Variants in MAN1A2 observed in about 807,000 individuals in gnomAD.
MAN1A2 encodes mannosyl-oligosaccharide 1,2-alpha-mannosidase IB.
MAN1A2 carries 26 observed loss-of-function variants against 75.7 expected under a neutral mutation model. The ratio of observed to expected loss-of-function variants is 0.34; its 90% CI spans 0.25 to 0.48. The LOEUF is 0.48. MAN1A2 is among the 20% of genes least tolerant of loss of function. The pLI is 0.99. For synonymous variants in MAN1A2, 247 were observed against 264.6 expected, an observed-to-expected ratio of 0.93 and a Z score of 0.65; for missense variants, 562 against 775.5, an observed-to-expected ratio of 0.72 and a Z score of 3.27.
intron 6 of MAN1A2, among the ~76,000 whole-genome samples, chr1:117,444,721 C>A (rs1649152379): frequency 6.6e-6 from 1 of 151,862 alleles, no homozygotes; most frequent in African/African-American, 2.4e-5. Context: ...TTGTCTTTTT[C>A]TAATTAATTT....
At chr1:117,400,511 C>G (rs1047900915) in intron 1 of MAN1A2, among the ~76,000 whole-genome samples, 1 of 151,174 alleles carries the variant, frequency 6.6e-6, no homozygotes, top group Non-Finnish European at 1.5e-5. Flanking sequence ...TTATAGTTAG[C>G]CCATCCCTCA....
At chr1:117,506,730 T>C (rs1193885080) in intron 12 of MAN1A2, among the ~76,000 whole-genome samples, 1 of 151,574 alleles carries the variant, frequency 6.6e-6, no homozygotes, top group Non-Finnish European at 1.5e-5. Context: ...CTGGAAGTAG[T>C]AGCATTTGAA....
intron 6 of MAN1A2, among the ~76,000 whole-genome samples, chr1:117,455,537 G>A (rs1649550998): frequency 6.6e-6 from 1 of 152,038 alleles, no homozygotes; most frequent in African/African-American, 2.4e-5. Context: ...TCCTACACTT[G>A]GCTGAGGGGC....
At chr1:117,421,880 C>T (rs1357918114) in intron 5 of MAN1A2, among the ~76,000 whole-genome samples, 1 of 151,924 alleles carries the variant, frequency 6.6e-6, no homozygotes, top group African/African-American at 2.4e-5. Context: ...ATGAGGATTC[C>T]AAGCCCTGCC....
rs777940944 is a variant in MAN1A2, at chr1:117,368,372, C to G, written c.189C>G (p.His63Gln). 6.2e-7 allele frequency: 1 copy of G among 1,614,112 alleles called. No individual in the cohort carries two copies. Among genetic ancestry groups the G allele is most frequent in the South Asian group, 1.1e-5 (1 of 91,078 alleles). The change falls in exon 1 of 13, where the codon CAC (histidine) becomes CAG (glutamine). Residue 63 changes from histidine to glutamine, a missense_variant. His to Gln is a conservative substitution (Grantham distance 24). Around this residue, in one of 2 missense-constraint regions of MAN1A2, gnomAD observed 128 missense variants for 129.8 expected, o/e 0.99. Coordinates refer to ENST00000356554, the MANE Select transcript of MAN1A2 (RefSeq NM_006699.5). ...TTTTCCTTCCAGACTCTTCAAAACA[C>G]AAACGCTTTGATTTGGGTTTAGAAG... The part of the protein sequence containing the change: ...AFFFLPDSSK[H>Q]KRFDLGLEDV...
At chr1:117,486,901 T>TA (rs1037482664) in intron 8 of MAN1A2, among the ~76,000 whole-genome samples, 6 of 151,586 alleles carry the variant, frequency 4.0e-5, no homozygotes, top group Middle Eastern at 3.4e-3. Flanking sequence ...AACAAACAAA[T>TA]AAAAAAAAGA....
In MAN1A2 at chr1:117,493,106, T is replaced by C. The variant is rs764445853; in HGVS notation, c.1169-41T>C. The C allele has an allele frequency of 5.5e-6, 6 of 1,081,486 alleles. No individual in the cohort carries two copies. The Admixed American group carries it at 1.0e-4, about 19-fold the overall frequency. The allele number at this position is 1,081,486 out of a possible 1,614,324, so 67.0% of individuals were successfully genotyped here. On this transcript the variant is annotated intron_variant, in intron 8 of 12. Transcript: ENST00000356554. ...GTTACTTTATTTGTCTTGTCTTCCC[T>C]TGCCTTTACCTCTATCCTTCTGTTT...
intron 8 of MAN1A2, among the ~76,000 whole-genome samples, chr1:117,477,654 A>G (rs190708190): frequency 6.6e-6 from 1 of 152,174 alleles, no homozygotes; most frequent in East Asian, 1.9e-4. Context: ...AATAAGACCT[A>G]TTTATGACAA....
At chr1:117,475,330 T>C (rs1025284505) in intron 8 of MAN1A2, among the ~76,000 whole-genome samples, 1 of 152,004 alleles carries the variant, frequency 6.6e-6, no homozygotes, top group African/African-American at 2.4e-5. Flanking sequence ...ATGATCAGTC[T>C]TTTAGTTTTA....
intron 8 of MAN1A2, among the ~76,000 whole-genome samples, chr1:117,470,889 A>T (rs757947699): frequency 6.6e-6 from 1 of 152,034 alleles, no homozygotes; most frequent in Non-Finnish European, 1.5e-5. Flanking sequence ...AATTAGAGTA[A>T]TGATAATGTC....
chr1:117,458,495 A>C lies in MAN1A2; in HGVS notation c.951-1994A>C, dbSNP rs6700910. Among the ~76,000 whole-genome samples, 256 of 54,902 alleles carry C rather than the reference A, an allele frequency of 4.7e-3. 1 individual carries two copies. The highest frequency in any genetic ancestry group is 7.4e-3 in the Non-Finnish European group (193 of 26,070). The allele number at this position is 54,902 out of a possible 152,430, so 36.0% of individuals were successfully genotyped here. A position where few individuals can be genotyped will look rare whatever the true frequency, so the allele number is the denominator to read the frequency against. ...AATATAAGATGAGAAATATATATAT[A>C]TCTATATATATATATAGATATATAT... On this transcript the variant is annotated intron_variant, in intron 6 of 12. Coordinates refer to ENST00000356554, the MANE Select transcript of MAN1A2 (RefSeq NM_006699.5).
intron 6 of MAN1A2, among the ~76,000 whole-genome samples, chr1:117,449,165 C>T (rs1395818335): frequency 6.6e-6 from 1 of 152,078 alleles, no homozygotes; most frequent in Non-Finnish European, 1.5e-5. Flanking sequence ...CCTTGGGCTT[C>T]CCTACTCCCT....
intron 5 of MAN1A2, among the ~76,000 whole-genome samples, chr1:117,435,154 T>C (rs1019548118): frequency 6.6e-6 from 1 of 152,074 alleles, no homozygotes; most frequent in African/African-American, 2.4e-5. Flanking sequence ...TGGTGTTCAA[T>C]GGAGAAGTAT....
At chr1:117,450,280 G>A (rs774239035) in intron 6 of MAN1A2, among the ~76,000 whole-genome samples, 4 of 152,210 alleles carry the variant, frequency 2.6e-5, no homozygotes, top group African/African-American at 4.8e-5. Flanking sequence ...CTAGAGATGT[G>A]TGGAGCCTTG....
At chr1:117,511,528 C>T (rs959804977) in intron 12 of MAN1A2, among the ~76,000 whole-genome samples, 2 of 151,952 alleles carry the variant, frequency 1.3e-5, no homozygotes, top group Non-Finnish European at 2.9e-5. Context: ...GCCTCATAGC[C>T]GTAGGGACTT....
intron 12 of MAN1A2, among the ~76,000 whole-genome samples, chr1:117,521,002 G>T (rs1426683012): frequency 6.6e-6 from 1 of 151,994 alleles, no homozygotes; most frequent in Non-Finnish European, 1.5e-5. Flanking sequence ...AGAGAACCCA[G>T]AAATAAAGCC....
At chr1:117,380,137 C>G (rs1038994699) in intron 1 of MAN1A2, among the ~76,000 whole-genome samples, 2 of 151,932 alleles carry the variant, frequency 1.3e-5, no homozygotes, top group Non-Finnish European at 2.9e-5. Flanking sequence ...TTTATATTCT[C>G]TCTAATATTT....
At chr1:117,512,522 A>T (rs1407025031) in intron 12 of MAN1A2, among the ~76,000 whole-genome samples, 1 of 152,096 alleles carries the variant, frequency 6.6e-6, no homozygotes, top group African/African-American at 2.4e-5. Context: ...AACCACTGAC[A>T]TCTGTGACCC....
chr1:117,410,171 C>T lies in MAN1A2; in HGVS notation c.655+4526C>T, dbSNP rs12094837. Among the ~76,000 whole-genome samples the T allele has an allele frequency of 3.9e-3, 585 of 151,720 alleles. 7 individuals carry two copies. Among genetic ancestry groups the T allele is most frequent in the African/African-American group, 0.013 (555 of 41,422 alleles). On this transcript the variant is annotated intron_variant, in intron 3 of 12. Transcript: ENST00000356554. ...TTTTCCCCAAATATTTTCCGTCTAC[C>T]GTTGGTTGAACCTGTGGATATGTAA...
Sources: allele counts gnomAD v4.1 joint callset (sites outside exome capture counted in the v4.1 genomes callset), GRCh38; gene constraint gnomAD v4.1.1; regional missense constraint gnomAD v4.1.1; transcripts MANE v1.5; gene names NCBI Gene and HGNC (gene_info 2026-07-23, HGNC 2026-07-21).